Variants in NKAIN2 observed in about 807,000 individuals in gnomAD.
NKAIN2 encodes the protein sodium/potassium-transporting ATPase subunit beta-1-interacting protein 2.
Under a neutral mutation model 32.6 loss-of-function variants are expected in NKAIN2, and 14 were observed. The ratio of observed to expected loss-of-function variants is 0.43; its 90% CI spans 0.28 to 0.67. The LOEUF (loss-of-function observed/expected upper bound fraction) is 0.67, where lower values mean the gene tolerates loss of function less well. Ranked by LOEUF, NKAIN2 falls within the 30% of genes least tolerant of loss-of-function variation. NKAIN2 has a pLI of 0.17. For missense variants in NKAIN2, 198 were observed against 258.3 expected (o/e 0.77, Z 1.60); for synonymous variants, 80 against 87.2 (o/e 0.92, Z 0.46).
At chr6:123,815,840 G>A (rs556958967) in intron 1 of NKAIN2, among the ~76,000 whole-genome samples, 1 of 152,102 alleles carries the variant, frequency 6.6e-6, no homozygotes, top group Non-Finnish European at 1.5e-5. Flanking sequence ...ATGTGTGTGT[G>A]TATAATGCAA....
intron 1 of NKAIN2, among the ~76,000 whole-genome samples, chr6:124,179,602 A>C (rs1396109445): frequency 1.3e-5 from 2 of 152,204 alleles, no homozygotes; most frequent in African/African-American, 4.8e-5. Context: ...CAGTGAGCAG[A>C]CAGCAGAGGG....
chr6:124,532,792 G>A (rs559867539), intron 3 of NKAIN2, among the ~76,000 whole-genome samples: 1 of 152,286 alleles, frequency 6.6e-6, no homozygotes, highest in Admixed American at 6.5e-5. Context: ...ATGCTCCCAT[G>A]GTTCCAACGT....
chr6:124,145,337 T>C (rs1158248553), intron 1 of NKAIN2, among the ~76,000 whole-genome samples: 1 of 152,162 alleles, frequency 6.6e-6, no homozygotes, highest in Non-Finnish European at 1.5e-5. Flanking sequence ...ACAGCTTTAT[T>C]TGTAATAGCC....
chr6:124,710,262 A>G (rs1022481015), intron 4 of NKAIN2, among the ~76,000 whole-genome samples: 5 of 152,070 alleles, frequency 3.3e-5, no homozygotes, highest in African/African-American at 7.3e-5. Context: ...TATGTGGTCA[A>G]TTTTGGAATA....
chr6:124,118,409 T>A (rs932963182), intron 1 of NKAIN2, among the ~76,000 whole-genome samples: 5 of 152,168 alleles, frequency 3.3e-5, no homozygotes, highest in African/African-American at 1.2e-4. Context: ...CTTTAAATAA[T>A]TTTTTCACTT....
chr6:124,163,377 A>G (rs1429031471), intron 1 of NKAIN2, among the ~76,000 whole-genome samples: 1 of 151,930 alleles, frequency 6.6e-6, no homozygotes. Flanking sequence ...CAATTTTGCA[A>G]AAGGCCAACA....
intron 4 of NKAIN2, among the ~76,000 whole-genome samples, chr6:124,775,883 T>A (rs969851530): frequency 6.6e-6 from 1 of 152,008 alleles, no homozygotes; most frequent in Non-Finnish European, 1.5e-5. Flanking sequence ...TTTAGAGAGG[T>A]CAAGCTACTG....
rs542750709 is a variant in NKAIN2, at chr6:124,042,798, G to A, written c.54+238544G>A. ...TCAGAATAAAGTTTAAAAGTGAACC[G>A]AAACACCTAGAGTGTCCCAGTGAAA... On this transcript the variant is annotated intron_variant, in intron 1 of 6. Transcript: ENST00000368417. Among the ~76,000 whole-genome samples the A allele has an allele frequency of 5.9e-5, 9 of 152,070 alleles. No individual in the cohort carries two copies. In the South Asian group the frequency reaches 1.0e-3, roughly 18 times the overall value.
At chr6:124,006,221 T>C (rs1397837816) in intron 1 of NKAIN2, among the ~76,000 whole-genome samples, 4 of 152,160 alleles carry the variant, frequency 2.6e-5, no homozygotes, top group Non-Finnish European at 5.9e-5. Context: ...CACAGGAACA[T>C]ATATCCTAAG....
intron 1 of NKAIN2, among the ~76,000 whole-genome samples, chr6:123,966,070 G>C (rs1400672151): frequency 6.6e-6 from 1 of 152,108 alleles, no homozygotes; most frequent in South Asian, 2.1e-4. Context: ...ACTGGACAGG[G>C]TCCATAAAAA....
intron 3 of NKAIN2, among the ~76,000 whole-genome samples, chr6:124,365,159 A>T (rs1244614797): frequency 2.6e-5 from 4 of 151,996 alleles, no homozygotes; most frequent in African/African-American, 9.6e-5. Context: ...AGAAAAAAAT[A>T]TCAAGATGGG....
intron 1 of NKAIN2, among the ~76,000 whole-genome samples, chr6:124,171,329 C>T (rs1035695736): frequency 6.6e-6 from 1 of 152,064 alleles, no homozygotes; most frequent in African/African-American, 2.4e-5. Flanking sequence ...AGATTTTCAT[C>T]TCTTCATTTT....
rs139367164 is a variant in NKAIN2, at chr6:124,808,966, C to A, written c.536-9421C>A. The stretch of plus-strand genomic sequence containing the variant: ...CTTCAAGGAGAACTACAACCCACTG[C>A]TCAAGGAAATTAAAGAGGATACAAA... On this transcript the variant is annotated intron_variant, in intron 5 of 6. Transcript: ENST00000368417. Among the ~76,000 whole-genome samples, 326 of 152,238 alleles carry A rather than the reference C, an allele frequency of 2.1e-3. 3 individuals carry two copies. The highest frequency in any genetic ancestry group is 0.012 in the South Asian group (59 of 4,816).
At chr6:124,810,354 A>G (rs1055022919) in intron 5 of NKAIN2, among the ~76,000 whole-genome samples, 6 of 152,070 alleles carry the variant, frequency 3.9e-5, no homozygotes, top group African/African-American at 1.4e-4. Context: ...GAAATTGGAA[A>G]TCATCATTCT....
intron 1 of NKAIN2, among the ~76,000 whole-genome samples, chr6:124,079,433 AT>A (rs1247730027): frequency 1.3e-5 from 2 of 152,134 alleles, no homozygotes; most frequent in Admixed American, 1.3e-4. Flanking sequence ...ATAAAAATAT[AT>A]TTTTTTAGAT....
At chr6:124,772,892 C>T (rs1219782713) in intron 4 of NKAIN2, among the ~76,000 whole-genome samples, 1 of 152,102 alleles carries the variant, frequency 6.6e-6, no homozygotes, top group Non-Finnish European at 1.5e-5. Context: ...AATGGGTACA[C>T]TAAAAGCCCA....
intron 1 of NKAIN2, among the ~76,000 whole-genome samples, chr6:123,809,463 A>G (rs532030327): frequency 3.3e-5 from 5 of 152,310 alleles, no homozygotes; most frequent in Non-Finnish European, 7.4e-5. Flanking sequence ...TTTAAAAATT[A>G]TGAAGGAACA....
chr6:124,108,522 C>G (rs75887191), intron 1 of NKAIN2, among the ~76,000 whole-genome samples: 3,552 of 152,078 alleles, frequency 0.023, 63 homozygotes, highest in Middle Eastern at 0.058. Flanking sequence ...TTCCTCTGTT[C>G]TGCAGAAGCT....
intron 4 of NKAIN2, among the ~76,000 whole-genome samples, chr6:124,733,258 T>C (rs985860606): frequency 3.9e-5 from 6 of 151,968 alleles, no homozygotes; most frequent in African/African-American, 1.4e-4. Flanking sequence ...AATTATGCAT[T>C]TATAAAAATC....
Sources: allele counts gnomAD v4.1 joint callset (sites outside exome capture counted in the v4.1 genomes callset), GRCh38; gene constraint gnomAD v4.1.1; transcripts MANE v1.5; gene names NCBI Gene and HGNC (gene_info 2026-07-23, HGNC 2026-07-21).